The following CCDC171 variants were observed in gnomAD, a reference collection of about 807,000 sequenced individuals.
CCDC171 encodes the protein coiled-coil domain containing 171.
CCDC171 carries 177 observed loss-of-function variants against 168.2 expected under a neutral mutation model. That is an observed-to-expected ratio of 1.05 (90% CI 0.93 to 1.19). CCDC171 has a LOEUF of 1.19. CCDC171 is among the 50% of genes most tolerant of loss of function. The pLI is 0.00. For synonymous variants in CCDC171, 687 were observed against 540.8 expected, an observed-to-expected ratio of 1.27 and a Z score of -3.75; for missense variants, 1,991 against 1,539.0, an observed-to-expected ratio of 1.29 and a Z score of -4.91.
chr9:16,053,315 C>G (rs1833781587), intron 1 of CCDC171, among the ~76,000 whole-genome samples: 1 of 152,236 alleles, frequency 6.6e-6, no homozygotes, highest in Non-Finnish European at 1.5e-5. Context: ...TGTTGTGATG[C>G]AACTTGCAAC....
intron 21 of CCDC171, among the ~76,000 whole-genome samples, chr9:15,841,635 A>G (rs1294348379): frequency 1.3e-5 from 2 of 152,016 alleles, no homozygotes; most frequent in South Asian, 2.1e-4. Context: ...TAAATTCCTC[A>G]TATAAAATAT....
At chr9:15,942,463 A>G (rs1300883731) in intron 25 of CCDC171, among the ~76,000 whole-genome samples, 1 of 151,888 alleles carries the variant, frequency 6.6e-6, no homozygotes, top group East Asian at 1.9e-4. Context: ...AGGAGAAAGG[A>G]AAGGAGAGAA....
chr9:15,705,081 G>A (rs1261586310), intron 11 of CCDC171, among the ~76,000 whole-genome samples: 1 of 88,692 alleles, frequency 1.1e-5, no homozygotes, highest in Non-Finnish European at 2.6e-5. Context: ...TAGATCTTAA[G>A]TATCCTTACG....
intron 23 of CCDC171, among the ~76,000 whole-genome samples, chr9:15,854,959 A>G (rs1167445236): frequency 6.6e-6 from 1 of 151,624 alleles, no homozygotes; most frequent in African/African-American, 2.4e-5. Context: ...TTTGATTTCT[A>G]TCCTTTTTAA....
chr9:15,979,163 C>G (rs1831714395), intron 3 of CCDC171, among the ~76,000 whole-genome samples: 1 of 152,068 alleles, frequency 6.6e-6, no homozygotes, highest in South Asian at 2.1e-4. Flanking sequence ...TTATTTCCAG[C>G]TTTTTAATTC....
rs533276387 is a variant in CCDC171 at position 15,964,568 on chromosome 9, C to G, written c.3754-7041C>G. On this transcript the variant is annotated intron_variant, in intron 25 of 25. Transcript: ENST00000380701. ...TCAGGTCAGCAACAGACTGCAAGCA[C>G]AAGGGTATGAAGAACACTGGGAAAA... 7.2e-5 allele frequency among the ~76,000 whole-genome samples: 11 copies of G among 152,178 alleles called. 1 individual carries two copies. The South Asian group carries it at 2.3e-3, about 32-fold the overall frequency.
chr9:15,734,036 A>C (rs1228616863), intron 16 of CCDC171, among the ~76,000 whole-genome samples: 1 of 152,028 alleles, frequency 6.6e-6, no homozygotes, highest in Non-Finnish European at 1.5e-5. Context: ...TGGTCTCCCT[A>C]AGTGTTGTGA....
At chr9:16,039,531 G>T (rs564553195), upstream of CCDC171, among the ~76,000 whole-genome samples, 1 of 152,108 alleles carries the variant, frequency 6.6e-6, no homozygotes, top group Non-Finnish European at 1.5e-5. Context: ...TTCTCCTCAC[G>T]GAACAGTCTA....
chr9:15,704,094 C>G (rs78601504), intron 11 of CCDC171, among the ~76,000 whole-genome samples: 1 of 152,124 alleles, frequency 6.6e-6, no homozygotes, highest in Admixed American at 6.5e-5. Context: ...TTGTAAAAAT[C>G]GCAATACCTG....
chr9:15,870,307 A>G (rs989316845), intron 23 of CCDC171, among the ~76,000 whole-genome samples: 1 of 151,850 alleles, frequency 6.6e-6, no homozygotes, highest in Non-Finnish European at 1.5e-5. Context: ...GGAGTAGGAC[A>G]AAGGAGGGCA....
At chr9:15,786,771 C>A (rs893451170) in intron 21 of CCDC171, among the ~76,000 whole-genome samples, 3 of 152,122 alleles carry the variant, frequency 2.0e-5, no homozygotes, top group Admixed American at 2.0e-4. Context: ...CTTGTTCCTG[C>A]CCTATCCTAA....
rs1234804308 is a variant in CCDC171 at position 15,726,945 on chromosome 9, A to C, written c.1693-924A>C. Reference sequence around the variant, plus strand: ...TTTACAGATGAAACACCTTATAAAGAGAGCTATTTGACATTATAGTAAGTA... The same window carrying C: ...TTTACAGATGAAACACCTTATAAAGCGAGCTATTTGACATTATAGTAAGTA... On this transcript the variant is annotated intron_variant, in intron 14 of 25. Coordinates refer to ENST00000380701, the MANE Select transcript of CCDC171 (RefSeq NM_173550.4). Among the ~76,000 whole-genome samples the C allele has an allele frequency of 1.6e-3, 249 of 152,278 alleles. 1 individual carries two copies. The highest frequency in any genetic ancestry group is 3.1e-4 in the Non-Finnish European group (21 of 68,016).
chr9:15,840,455 G>T (rs2060631257), intron 21 of CCDC171, among the ~76,000 whole-genome samples: 1 of 152,082 alleles, frequency 6.6e-6, no homozygotes, highest in Non-Finnish European at 1.5e-5. Flanking sequence ...GTATGCTATA[G>T]CTGATAAGGT....
intron 25 of CCDC171, among the ~76,000 whole-genome samples, chr9:15,966,476 T>G (rs531296162): frequency 4.6e-5 from 7 of 152,296 alleles, no homozygotes; most frequent in African/African-American, 1.7e-4. Flanking sequence ...ATTGATCCAA[T>G]CAATCTTCCA....
chr9:16,062,963 A>G (rs562433476), downstream of CCDC171, among the ~76,000 whole-genome samples: 79 of 152,272 alleles, frequency 5.2e-4, no homozygotes, highest in African/African-American at 1.8e-3. Flanking sequence ...GAAACCGAAG[A>G]TGGGGCCAGG....
the CCDC171 span, among the ~76,000 whole-genome samples, chr9:16,094,289 T>G: frequency 6.6e-6 from 1 of 152,238 alleles, no homozygotes. Context: ...ATTTACAATG[T>G]TGACTCTAGT....
At chr9:15,913,076 T>G (rs945986298) in intron 24 of CCDC171, among the ~76,000 whole-genome samples, 2 of 152,234 alleles carry the variant, frequency 1.3e-5, no homozygotes, top group Admixed American at 6.5e-5. Flanking sequence ...GAGGAGTTCC[T>G]CTTTTTCTCT....
intron 18 of CCDC171, among the ~76,000 whole-genome samples, chr9:15,758,063 G>A (rs944536112): frequency 6.6e-6 from 1 of 152,134 alleles, no homozygotes; most frequent in Non-Finnish European, 1.5e-5. Context: ...TCCCTACTGG[G>A]GCATCTGCCT....
intron 11 of CCDC171, among the ~76,000 whole-genome samples, chr9:15,721,414 A>G (rs1372219185): frequency 6.6e-6 from 1 of 151,898 alleles, no homozygotes; most frequent in Non-Finnish European, 1.5e-5. Context: ...AAAGGTATGT[A>G]CAAACACTGC....
Sources: allele counts gnomAD v4.1 joint callset (sites outside exome capture counted in the v4.1 genomes callset), GRCh38; gene constraint gnomAD v4.1.1; transcripts MANE v1.5; gene names NCBI Gene and HGNC (gene_info 2026-07-23, HGNC 2026-07-21).